MGMT: variants seen among roughly 807,000 people sequenced by gnomAD.
MGMT encodes the protein O-6-methylguanine-DNA methyltransferase.
MGMT carries 14 observed loss-of-function variants against 15.9 expected under a neutral mutation model. That is an observed-to-expected ratio of 0.88 (90% confidence interval 0.58 to 1.37). MGMT has a LOEUF of 1.37. MGMT is among the 40% of genes most tolerant of loss of function. The probability of loss-of-function intolerance (pLI) is 0.00; values close to 1 mark genes in which losing one functional copy is unlikely to be tolerated. For synonymous variants in MGMT, 130 were observed against 118.2 expected (o/e 1.10, Z -0.65); for missense variants, 282 against 268.1 (o/e 1.05, Z -0.36).
chr10:129,538,385 C>G (rs1846008672), intron 2 of MGMT, among the ~76,000 whole-genome samples: 1 of 152,186 alleles, frequency 6.6e-6, no homozygotes, highest in Non-Finnish European at 1.5e-5. Context: ...GTATGTTTAA[C>G]TTGACAAGAA....
chr10:129,692,745 A>G (rs576315697), intron 2 of MGMT, among the ~76,000 whole-genome samples: 22 of 152,308 alleles, frequency 1.4e-4, no homozygotes, highest in African/African-American at 4.1e-4. Flanking sequence ...CTCAGAGTGC[A>G]TTCTGAGGGT....
chr10:129,482,120 G>GT (rs1845365074), intron 1 of MGMT, among the ~76,000 whole-genome samples: 1 of 152,138 alleles, frequency 6.6e-6, no homozygotes. Flanking sequence ...TCAGAGTGGC[G>GT]TATTTCCCAA....
intron 2 of MGMT, among the ~76,000 whole-genome samples, chr10:129,648,968 AT>A (rs993679282): frequency 3.9e-5 from 6 of 152,186 alleles, no homozygotes; most frequent in African/African-American, 1.4e-4. Context: ...TTTGAGTACA[AT>A]GGAAAATGGC....
chr10:129,719,611 C>T (rs1589956590), intron 3 of MGMT, among the ~76,000 whole-genome samples: 1 of 152,070 alleles, frequency 6.6e-6, no homozygotes, highest in African/African-American at 2.4e-5. Context: ...GTGCATCGCT[C>T]GGGTCTCTAT....
intron 2 of MGMT, among the ~76,000 whole-genome samples, chr10:129,613,597 A>G (rs1017791000): frequency 1.3e-5 from 2 of 152,190 alleles, no homozygotes; most frequent in African/African-American, 2.4e-5. Flanking sequence ...TTCATCATCT[A>G]TCTGGTCTGT....
chr10:129,513,951 A>G (rs1291861865), intron 1 of MGMT, among the ~76,000 whole-genome samples: 1 of 152,216 alleles, frequency 6.6e-6, no homozygotes, highest in Non-Finnish European at 1.5e-5. Context: ...TTGCTTGCTA[A>G]TAGGTTAGGT....
At chr10:129,564,686 T>TCCTCCTCTCCTTCCTCCC (rs1564853879) in intron 2 of MGMT, among the ~76,000 whole-genome samples, 5 of 58,578 alleles carry the variant, frequency 8.5e-5, no homozygotes, top group Non-Finnish European at 1.1e-4. Flanking sequence ...TCCTTCCTCC[T>TCCTCCTCTCCTTCCTCCC]CCTCCTCTCC....
At chr10:129,605,598 G>T (rs571551857) in intron 2 of MGMT, among the ~76,000 whole-genome samples, 1 of 152,220 alleles carries the variant, frequency 6.6e-6, no homozygotes, top group Admixed American at 6.5e-5. Context: ...CATGGAAAAT[G>T]CAATACATGT....
chr10:129,487,819 T>G (rs1020417668), intron 1 of MGMT, among the ~76,000 whole-genome samples: 1 of 151,950 alleles, frequency 6.6e-6, no homozygotes, highest in Non-Finnish European at 1.5e-5. Flanking sequence ...ATATTCTGAT[T>G]GTGGGTTATA....
Position 129,769,333 on chromosome 10 carries a change from G to A in MGMT, c.*2336G>A, listed in dbSNP as rs7089673. 44,767 of 152,116 alleles carry A rather than the reference G, an allele frequency of 0.29. 6,802 individuals are homozygous for A. Among genetic ancestry groups the A allele is most frequent in the Admixed American group, 0.38 (5,788 of 15,290 alleles). 9.4% of individuals were successfully genotyped at this position (152,116 alleles called of 1,614,324 possible). Reference sequence around the variant, plus strand: ...GCCAGCACGCGGGTCGCCTAGAGCCGCTCTGCCTCCAAGCTGCAGCGCCGT... The same window carrying A: ...GCCAGCACGCGGGTCGCCTAGAGCCACTCTGCCTCCAAGCTGCAGCGCCGT... On this transcript the variant is annotated 3_prime_UTR_variant, in exon 5 of 5. Transcript: ENST00000651593.
At chr10:129,705,466 A>G (rs1848150050) in intron 2 of MGMT, among the ~76,000 whole-genome samples, 1 of 152,248 alleles carries the variant, frequency 6.6e-6, no homozygotes, top group Non-Finnish European at 1.5e-5. Context: ...AGCTATAGTT[A>G]TCTTTATTTC....
At chr10:129,571,230 A>G (rs34167318) in intron 2 of MGMT, among the ~76,000 whole-genome samples, 2,366 of 152,344 alleles carry the variant, frequency 0.016, 51 homozygotes, top group Non-Finnish European at 0.016. Context: ...ACACACCTCA[A>G]CTGTCAACAT....
intron 2 of MGMT, among the ~76,000 whole-genome samples, chr10:129,611,290 C>A (rs1846956594): frequency 6.6e-6 from 1 of 152,156 alleles, no homozygotes; most frequent in South Asian, 2.1e-4. Context: ...AGGAAACTTA[C>A]AATCATGGCC....
rs192250013 is a variant in MGMT at position 129,579,279 on chromosome 10, T to G, written c.125+42902T>G. ...ACAGATGAGTACCTGCTCACTGGCT[T>G]CCTTTCACACAGTCGCCTGGCACTG... On this transcript the variant is annotated intron_variant, in intron 2 of 4. Transcript: ENST00000651593. Among the ~76,000 whole-genome samples, 100 of 152,354 alleles carry G rather than the reference T, an allele frequency of 6.6e-4. 1 individual carries two copies. In the East Asian group the frequency reaches 0.015, roughly 23 times the overall value.
chr10:129,740,691 G>T (rs992273821), intron 3 of MGMT, among the ~76,000 whole-genome samples: 6 of 152,140 alleles, frequency 3.9e-5, no homozygotes, highest in African/African-American at 1.4e-4. Flanking sequence ...GGCATGGGAT[G>T]CCTGCAGAGA....
rs765234475 is a variant in MGMT, at chr10:129,566,324, C to T, written c.125+29947C>T. Among the ~76,000 whole-genome samples, 28 of 152,210 alleles carry T rather than the reference C, an allele frequency of 1.8e-4. No individual in the cohort carries two copies. Among genetic ancestry groups the T allele is most frequent in the Admixed American group, 4.6e-4 (7 of 15,284 alleles). ...GAGCTCTGACTGTTTCATTCGACTA[C>T]GTTGCCAAGGAGATGCTCGCTCGGA... On this transcript the variant is annotated intron_variant, in intron 2 of 4. Transcript: ENST00000651593. This position sits in a 1 kb window ranked among gnomAD's most constrained non-coding sequence, Gnocchi z 4.1.
chr10:129,618,763 T>TGTATTCA (rs1847057091), intron 2 of MGMT, among the ~76,000 whole-genome samples: 1 of 51,352 alleles, frequency 1.9e-5, no homozygotes, highest in Admixed American at 2.3e-4. Flanking sequence ...TTAAAAATGC[T>TGTATTCA]ATATTTTTAG....
At chr10:129,670,855 CTG>C (rs1206149672) in intron 2 of MGMT, among the ~76,000 whole-genome samples, 10 of 152,192 alleles carry the variant, frequency 6.6e-5, no homozygotes, top group Admixed American at 6.5e-4. Context: ...ACTCATTGAA[CTG>C]TATGTATGAA....
chr10:129,640,987 T>A (rs921421726), intron 2 of MGMT, among the ~76,000 whole-genome samples: 3 of 152,220 alleles, frequency 2.0e-5, no homozygotes, highest in African/African-American at 7.2e-5. Context: ...GACAAAGATG[T>A]CTGTCCACTC....
Sources: allele counts gnomAD v4.1 joint callset (sites outside exome capture counted in the v4.1 genomes callset), GRCh38; gene constraint gnomAD v4.1.1; non-coding constraint Gnocchi (gnomAD v3.1); transcripts MANE v1.5; gene names NCBI Gene and HGNC (gene_info 2026-07-23, HGNC 2026-07-21).